RPRD1A: variants seen among roughly 807,000 people sequenced by gnomAD.
The protein encoded by RPRD1A is regulation of nuclear pre-mRNA domain-containing protein 1A.
In RPRD1A, 9 loss-of-function variants were observed where a neutral mutation model predicts 37.8. That is an observed-to-expected ratio of 0.24 (90% CI 0.14 to 0.42). The LOEUF is 0.42. Ranked by LOEUF, RPRD1A falls within the 10% of genes least tolerant of loss-of-function variation. The probability of loss-of-function intolerance (pLI) is 1.00; values close to 1 mark genes in which losing one functional copy is unlikely to be tolerated. For synonymous variants in RPRD1A, 138 were observed against 139.7 expected, an observed-to-expected ratio of 0.99 and a Z score of 0.08; for missense variants, 255 against 371.0, an observed-to-expected ratio of 0.69 and a Z score of 2.57.
chr18:36,042,368 C>T (rs989098944), intron 1 of RPRD1A, among the ~76,000 whole-genome samples: 3 of 152,172 alleles, frequency 2.0e-5, no homozygotes. Context: ...AGAATCAAAC[C>T]CAACAGCTAG....
chr18:36,021,836 C>CA (rs1264081424), intron 6 of RPRD1A, among the ~76,000 whole-genome samples: 1 of 152,038 alleles, frequency 6.6e-6, no homozygotes, highest in Non-Finnish European at 1.5e-5. Context: ...CCTGTCTCTA[C>CA]AAAAAAATTT....
chr18:36,062,323 C>CA (rs752980996), intron 1 of RPRD1A, among the ~76,000 whole-genome samples: 13,719 of 40,044 alleles, frequency 0.34, 2,548 homozygotes, highest in East Asian at 0.42. Context: ...GACTCCGTCT[C>CA]AAAAAAAAAA....
chr18:35,990,222 T>C lies in RPRD1A; in HGVS notation c.*2929A>G, dbSNP rs937376427. ...GGACATTCTAACTTTCCCAATTAGT[T>C]AATTTGTACTGTTGAGTTTTTTCTC... On this transcript the variant is annotated 3_prime_UTR_variant, in exon 7 of 7. Coordinates refer to ENST00000399022, the MANE Select transcript of RPRD1A (RefSeq NM_018170.5). The C allele has an allele frequency of 2.0e-5, 3 of 152,204 alleles. No homozygotes were observed. Among genetic ancestry groups the C allele is most frequent in the African/African-American group, 7.2e-5 (3 of 41,446 alleles). The allele number at this position is 152,204 out of a possible 1,614,324, so 9.4% of individuals were successfully genotyped here. A position where few individuals can be genotyped will look rare whatever the true frequency, so the allele number is the denominator to read the frequency against.
chr18:35,999,397 G>T (rs895575502), intron 6 of RPRD1A, among the ~76,000 whole-genome samples: 4 of 152,240 alleles, frequency 2.6e-5, no homozygotes, highest in African/African-American at 9.6e-5. Flanking sequence ...TTCAAATTAG[G>T]AAGTGCTATA....
intron 4 of RPRD1A, among the ~76,000 whole-genome samples, chr18:36,029,292 G>A (rs1911595607): frequency 6.6e-6 from 1 of 152,160 alleles, no homozygotes; most frequent in African/African-American, 2.4e-5. Flanking sequence ...GGGGGAAAGA[G>A]CTCCTCCCAG....
At chr18:35,997,203 C>A (rs1424138019) in intron 6 of RPRD1A, among the ~76,000 whole-genome samples, 2 of 152,044 alleles carry the variant, frequency 1.3e-5, no homozygotes, top group Non-Finnish European at 2.9e-5. Context: ...ATACCAATTT[C>A]TTTCCATACT....
At chr18:36,016,696 C>A (rs1910605554) in intron 6 of RPRD1A, among the ~76,000 whole-genome samples, 1 of 152,004 alleles carries the variant, frequency 6.6e-6, no homozygotes, top group Non-Finnish European at 1.5e-5. Flanking sequence ...AACATAAATG[C>A]CAAAAGGTGA....
chr18:35,996,977 CAA>C (rs200694089), intron 6 of RPRD1A, among the ~76,000 whole-genome samples: 451 of 55,544 alleles, frequency 8.1e-3, no homozygotes, highest in African/African-American at 0.03. Context: ...GACCCTGTCT[CAA>C]AAAAAAAAAA....
chr18:36,043,379 A>G (rs978787969), intron 1 of RPRD1A, among the ~76,000 whole-genome samples: 10 of 152,178 alleles, frequency 6.6e-5, no homozygotes, highest in African/African-American at 2.4e-4. Flanking sequence ...CTTCTCCTGT[A>G]TCAATGCTTG....
chr18:36,012,167 A>C (rs1294293865), intron 6 of RPRD1A, among the ~76,000 whole-genome samples: 3 of 152,198 alleles, frequency 2.0e-5, no homozygotes, highest in Non-Finnish European at 2.9e-5. Context: ...ATGAAGCTGA[A>C]AAATTCCTAT....
In RPRD1A at chr18:35,993,030, T is replaced by C. The variant is rs1908803117; in HGVS notation, c.*121A>G. ...CATTTTAAACAATTTTATAAATTACTCGTTGTTCCTTTTGTTAGTGTTTCT... is the reference window on the plus strand; with the variant it reads ...CATTTTAAACAATTTTATAAATTACCCGTTGTTCCTTTTGTTAGTGTTTCT... On this transcript the variant is annotated 3_prime_UTR_variant, in exon 7 of 7. Transcript: ENST00000399022. 7 of 778,872 alleles carry C rather than the reference T, an allele frequency of 9.0e-6. No homozygotes were observed. The highest frequency in any genetic ancestry group is 3.7e-6 in the Non-Finnish European group (2 of 534,764). The allele number at this position is 778,872 out of a possible 1,614,324, so 48.2% of individuals were successfully genotyped here.
Position 35,993,253 on chromosome 18 carries a change from G to C in RPRD1A, c.837C>G (p.Leu279=), listed in dbSNP as rs746419153. 2.5e-6 allele frequency: 4 copies of C among 1,614,052 alleles called. No homozygotes were observed. In the African/African-American group the frequency reaches 5.3e-5, roughly 22 times the overall value. ...LARVSLVRKE[L]RSRIQSLPDL... ...CTGGCAGGCTCTGGATCCGGGACCT[G>C]AGTTCTTTGCGCACCAGGGAAACTC... Residue 279 remains leucine (L), a synonymous_variant, in exon 7 of 7, where the codon CTC becomes CTG. Transcript: ENST00000399022.
At chr18:36,050,214 G>C (rs1050421808) in intron 1 of RPRD1A, among the ~76,000 whole-genome samples, 3 of 151,734 alleles carry the variant, frequency 2.0e-5, no homozygotes, top group Non-Finnish European at 2.9e-5. Flanking sequence ...AAGAAAAAAG[G>C]TTGAAATTGT....
At chr18:36,029,810 C>A (rs1568132512) in intron 4 of RPRD1A, among the ~76,000 whole-genome samples, 1 of 145,218 alleles carries the variant, frequency 6.9e-6, no homozygotes, top group Non-Finnish European at 1.5e-5. Flanking sequence ...TCTAACACTA[C>A]TTTTTTTTTT....
At position 35,992,870 on chromosome 18, in the gene RPRD1A, C is replaced by T; in HGVS notation, c.*281G>A. On this transcript the variant is annotated 3_prime_UTR_variant, in exon 7 of 7. Transcript: ENST00000399022. ...ACAAACAAGAGATTTCTCACAAGGCCTTGGATCAAAAAAAAAATTTACAAA... is the reference window on the plus strand; with the variant it reads ...ACAAACAAGAGATTTCTCACAAGGCTTTGGATCAAAAAAAAAATTTACAAA... 1 of 253,242 alleles carries T rather than the reference C, an allele frequency of 3.9e-6. No homozygotes were observed. The highest frequency in any genetic ancestry group is 7.4e-6 in the Non-Finnish European group (1 of 135,298). 15.7% of individuals were successfully genotyped at this position (253,242 alleles called of 1,614,324 possible).
intron 6 of RPRD1A, among the ~76,000 whole-genome samples, chr18:36,001,262 CAG>C (rs771514497): frequency 5.9e-5 from 9 of 152,098 alleles, no homozygotes; most frequent in Non-Finnish European, 1.0e-4. Flanking sequence ...AAGGATGGAG[CAG>C]AGAGAGTAAG....
chr18:36,032,222 T>C (rs186665837), intron 2 of RPRD1A, among the ~76,000 whole-genome samples: 39 of 152,078 alleles, frequency 2.6e-4, no homozygotes, highest in South Asian at 8.3e-4. Flanking sequence ...TTATTAACTT[T>C]GTCATCCAAT....
chr18:36,062,538 C>T (rs1239151338), intron 1 of RPRD1A, among the ~76,000 whole-genome samples: 1 of 151,486 alleles, frequency 6.6e-6, no homozygotes, highest in Non-Finnish European at 1.5e-5. Flanking sequence ...ACAACTCGAA[C>T]GTCTATCAAC....
intron 1 of RPRD1A, among the ~76,000 whole-genome samples, chr18:36,050,657 T>C (rs1913315354): frequency 6.6e-6 from 1 of 151,764 alleles, no homozygotes; most frequent in African/African-American, 2.4e-5. Context: ...TTATTAGTCA[T>C]TAGGGAGTAG....
Sources: allele counts gnomAD v4.1 joint callset (sites outside exome capture counted in the v4.1 genomes callset), GRCh38; gene constraint gnomAD v4.1.1; transcripts MANE v1.5; gene names NCBI Gene and HGNC (gene_info 2026-07-23, HGNC 2026-07-21).